Variants in NPAS3 observed in about 807,000 individuals in gnomAD.
NPAS3 encodes neuronal PAS domain protein 3, also known as neuronal PAS domain-containing protein 3.
A neutral mutation model predicts 73.1 loss-of-function variants in NPAS3; 14 were observed. The ratio of observed to expected loss-of-function variants is 0.19; its 90% CI spans 0.13 to 0.30. The LOEUF is 0.30. Among genes scored for constraint, NPAS3 ranks in the 10% least tolerant of loss-of-function variants. The pLI, the probability that NPAS3 is intolerant of heterozygous loss-of-function variation, is 1.00. For synonymous variants in NPAS3, 620 were observed against 541.5 expected, an observed-to-expected ratio of 1.14 and a Z score of -2.01; for missense variants, 1,096 against 1,250.0, an observed-to-expected ratio of 0.88 and a Z score of 1.86.
intron 2 of NPAS3, among the ~76,000 whole-genome samples, chr14:33,119,073 CTGA>C (rs1331012086): frequency 6.6e-6 from 1 of 151,880 alleles, no homozygotes; most frequent in Non-Finnish European, 1.5e-5. Flanking sequence ...TTTTTATGTT[CTGA>C]AACATCTTAG....
At chr14:33,519,718 A>G (rs2053473447) in intron 4 of NPAS3, among the ~76,000 whole-genome samples, 1 of 152,180 alleles carries the variant, frequency 6.6e-6, no homozygotes, top group African/African-American at 2.4e-5. Flanking sequence ...GCTTCTTATC[A>G]CATCTTCCTC....
intron 3 of NPAS3, 199 bp downstream of exon 3, chr14:33,215,625 A>T: frequency 1.4e-6 from 1 of 728,650 alleles, no homozygotes; most frequent in South Asian, 1.5e-5. Context: ...TTATTTTCAA[A>T]AAGTCTATCA....
intron 4 of NPAS3, among the ~76,000 whole-genome samples, chr14:33,397,493 T>G (rs566689999): frequency 1.3e-4 from 20 of 152,272 alleles, no homozygotes; most frequent in African/African-American, 4.6e-4. Flanking sequence ...TTTATGCTAC[T>G]GTACAGTACT....
In NPAS3 at chr14:33,489,509, T is replaced by C. The variant is rs2051785339; in HGVS notation, c.469-70612T>C. 2.6e-5 allele frequency among the ~76,000 whole-genome samples: 4 copies of C among 152,136 alleles called. No individual in the cohort carries two copies. In the South Asian group the frequency reaches 8.3e-4, roughly 32 times the overall value. Reference sequence around the variant, plus strand: ...CCATTCCCATAATGGAGAAAGGAAATACATCAGCAAAAGCTAGGCTAAGAT... The same window carrying C: ...CCATTCCCATAATGGAGAAAGGAAACACATCAGCAAAAGCTAGGCTAAGAT... On this transcript the variant is annotated intron_variant, in intron 4 of 11. Coordinates refer to ENST00000356141, the Ensembl canonical transcript of NPAS3.
At chr14:33,644,156 T>C (rs1476737067) in intron 5 of NPAS3, among the ~76,000 whole-genome samples, 3 of 152,238 alleles carry the variant, frequency 2.0e-5, no homozygotes, top group Admixed American at 1.3e-4. Context: ...CATGAGTTCA[T>C]AATATTTGCA....
At position 33,365,201 on chromosome 14, in the gene NPAS3, C is replaced by CAAAAAAAAAAAAAA. The variant is rs371230319; in HGVS notation, c.386-1977_386-1964dup. Among the ~76,000 whole-genome samples, 12 of 45,070 alleles carry CAAAAAAAAAAAAAA rather than the reference C, an allele frequency of 2.7e-4. 3 individuals are homozygous for CAAAAAAAAAAAAAA. The highest frequency in any genetic ancestry group is 3.9e-4 in the Non-Finnish European group (11 of 28,226). 29.6% of individuals were successfully genotyped at this position (45,070 alleles called of 152,430 possible). ...CAAAAGCCACCCACCCCCATAATCT[C>CAAAAAAAAAAAAAA]AAAAAAAAAAAAAAAAAAAAAGGCT... On this transcript the variant is annotated intron_variant, in intron 3 of 11. Transcript: ENST00000356141.
At chr14:33,426,739 A>C (rs2048570529) in intron 4 of NPAS3, among the ~76,000 whole-genome samples, 1 of 152,108 alleles carries the variant, frequency 6.6e-6, no homozygotes, top group African/African-American at 2.4e-5. Flanking sequence ...ACATTTAGTA[A>C]GAACCATTCT....
At chr14:32,946,348 G>GCACT (rs1555374429) in intron 1 of NPAS3, among the ~76,000 whole-genome samples, 1 of 139,314 alleles carries the variant, frequency 7.2e-6, no homozygotes, top group African/African-American at 2.7e-5. Flanking sequence ...ACACACACGC[G>GCACT]CACACACACA....
At chr14:33,669,114 G>A (rs891408021) in intron 5 of NPAS3, among the ~76,000 whole-genome samples, 1 of 147,580 alleles carries the variant, frequency 6.8e-6, no homozygotes, top group African/African-American at 2.5e-5. Flanking sequence ...CCAAGGTAAT[G>A]AAGAAGCTTT....
intron 4 of NPAS3, among the ~76,000 whole-genome samples, chr14:33,408,849 ATGGCAAAAGTTCT>A (rs538732027): frequency 6.6e-6 from 1 of 152,250 alleles, no homozygotes; most frequent in Non-Finnish European, 1.5e-5. Flanking sequence ...GTTTCATAGC[ATGGCAAAAGTTCT>A]TGAGATTTCT....
chr14:32,977,806 T>C (rs1436644084), intron 1 of NPAS3, among the ~76,000 whole-genome samples: 1 of 152,228 alleles, frequency 6.6e-6, no homozygotes, highest in Non-Finnish European at 1.5e-5. Context: ...AGTAGCCACA[T>C]AGCACAAGCA....
At chr14:33,324,078 G>A (rs1263802471) in intron 3 of NPAS3, among the ~76,000 whole-genome samples, 1 of 152,232 alleles carries the variant, frequency 6.6e-6, no homozygotes, top group East Asian at 1.9e-4. Context: ...GAAGCAGACA[G>A]TGACCGCAGG....
chr14:33,326,543 A>G (rs1009463051), intron 3 of NPAS3, among the ~76,000 whole-genome samples: 6 of 152,228 alleles, frequency 3.9e-5, no homozygotes, highest in African/African-American at 1.4e-4. Context: ...CTTTTTGTGC[A>G]TGTGTGACAA....
intron 4 of NPAS3, among the ~76,000 whole-genome samples, chr14:33,424,521 G>A (rs2048477027): frequency 6.6e-6 from 1 of 152,014 alleles, no homozygotes; most frequent in South Asian, 2.1e-4. Context: ...TCTAGGCAAT[G>A]CATGATGATC....
At chr14:33,032,953 A>C (rs1184661739) in intron 1 of NPAS3, among the ~76,000 whole-genome samples, 1 of 152,134 alleles carries the variant, frequency 6.6e-6, no homozygotes, top group African/African-American at 2.4e-5. Context: ...ACTTTGGTTC[A>C]GACTGGAAAT....
At chr14:33,027,363 G>T (rs1231967765) in intron 1 of NPAS3, among the ~76,000 whole-genome samples, 1 of 152,128 alleles carries the variant, frequency 6.6e-6, no homozygotes, top group Admixed American at 6.5e-5. Context: ...GGAAAAGCTG[G>T]AAAAGGCCTG....
chr14:33,680,632 TTTCTTCTGTAGGACCCC>T (rs1305924480), intron 6 of NPAS3: 2 of 702,618 alleles, frequency 2.8e-6, no homozygotes, highest in Non-Finnish European at 5.2e-6. Flanking sequence ...GAGTGATCAG[TTTCTTCTGTAGGACCCC>T]TGTCAGGAAG....
At chr14:33,299,150 A>AGTGAATAT in intron 3 of NPAS3, among the ~76,000 whole-genome samples, 1 of 152,214 alleles carries the variant, frequency 6.6e-6, no homozygotes, top group East Asian at 1.9e-4. Flanking sequence ...CTGAGGTATA[A>AGTGAATAT]GTGAATATGT....
At chr14:33,505,637 G>A (rs2052721506) in intron 4 of NPAS3, among the ~76,000 whole-genome samples, 1 of 151,954 alleles carries the variant, frequency 6.6e-6, no homozygotes, top group Non-Finnish European at 1.5e-5. Flanking sequence ...AAATCAGCAA[G>A]CTGTATTTGT....
Sources: allele counts gnomAD v4.1 joint callset (sites outside exome capture counted in the v4.1 genomes callset), GRCh38; gene constraint gnomAD v4.1.1; transcripts MANE v1.5; gene names NCBI Gene and HGNC (gene_info 2026-07-23, HGNC 2026-07-21).